APPBP2: variants seen among roughly 807,000 people sequenced by gnomAD.
APPBP2 encodes the protein amyloid beta precursor protein binding protein 2, also known as amyloid protein-binding protein 2.
APPBP2 carries 15 observed loss-of-function variants against 76.0 expected under a neutral mutation model. The ratio of observed to expected loss-of-function variants is 0.20; its 90% CI spans 0.13 to 0.30. The LOEUF (loss-of-function observed/expected upper bound fraction) is 0.30. Ranked by LOEUF, APPBP2 falls within the 10% of genes least tolerant of loss-of-function variation. The probability of loss-of-function intolerance (pLI) is 1.00; values close to 1 mark genes in which losing one functional copy is unlikely to be tolerated. For synonymous variants in APPBP2, 222 were observed against 242.2 expected (o/e 0.92, Z 0.77); for missense variants, 401 against 687.2 (o/e 0.58, Z 4.66).
At chr17:60,448,877 A>C (rs8081113) in intron 12 of APPBP2, among the ~76,000 whole-genome samples, 12,522 of 152,218 alleles carry the variant, frequency 0.082, 1,710 homozygotes, top group African/African-American at 0.28. Flanking sequence ...AATTATATGT[A>C]TCTGGACATA....
chr17:60,454,622 G>A (rs2090419280), intron 10 of APPBP2, 130 bp from the exon 11 acceptor site: 1 of 559,628 alleles, frequency 1.8e-6, no homozygotes, highest in Non-Finnish European at 2.8e-6. Context: ...TTTGGAACTG[G>A]TCAAGATGAA....
chr17:60,481,037 G>A (rs982201901), intron 3 of APPBP2, among the ~76,000 whole-genome samples: 3 of 152,114 alleles, frequency 2.0e-5, no homozygotes, highest in Admixed American at 6.6e-5. Context: ...ATCAGCAATA[G>A]CCATCCAGGT....
At chr17:60,468,790 C>G (rs2090529745) in intron 4 of APPBP2, among the ~76,000 whole-genome samples, 1 of 152,148 alleles carries the variant, frequency 6.6e-6, no homozygotes, top group Non-Finnish European at 1.5e-5. Context: ...TGTGGCACTA[C>G]CATGTAAACA....
chr17:60,483,343 G>C (rs1396356228), intron 3 of APPBP2, among the ~76,000 whole-genome samples: 1 of 152,010 alleles, frequency 6.6e-6, no homozygotes, highest in Non-Finnish European at 1.5e-5. Flanking sequence ...TTGTCAGATA[G>C]GTAGATTGCA....
intron 9 of APPBP2, chr17:60,460,410 C>T (rs575300595): frequency 6.3e-5 from 14 of 222,972 alleles, no homozygotes; most frequent in African/African-American, 3.2e-4. Flanking sequence ...CTCTTGGGCT[C>T]AAGCAATCTT....
At chr17:60,500,806 G>T (rs370745328) in intron 1 of APPBP2, among the ~76,000 whole-genome samples, 3 of 152,048 alleles carry the variant, frequency 2.0e-5, no homozygotes, top group East Asian at 3.9e-4. Flanking sequence ...CAAAACTGGA[G>T]AGTCGGTGTA....
At chr17:60,487,093 G>A (rs550265863) in intron 3 of APPBP2, among the ~76,000 whole-genome samples, 1 of 152,302 alleles carries the variant, frequency 6.6e-6, no homozygotes, top group South Asian at 2.1e-4. Context: ...CCCTTTGTGG[G>A]TAACCTGACC....
At chr17:60,494,865 G>A (rs570881024) in intron 2 of APPBP2, among the ~76,000 whole-genome samples, 11 of 152,160 alleles carry the variant, frequency 7.2e-5, no homozygotes, top group African/African-American at 2.6e-4. Flanking sequence ...TGACAAGGAA[G>A]GATGAAGCTA....
rs1256538688 is a variant in APPBP2 at position 60,483,949 on chromosome 17, GC to G, written c.380-4679del. On this transcript the variant is annotated intron_variant, in intron 3 of 12. Transcript: ENST00000083182. ...ATCCAGTTTCAGCTTTCTACCTACG[GC>G]TAGCCAGTTTTCCCAGCACCATTTA... 5.1e-4 allele frequency among the ~76,000 whole-genome samples: 78 copies of G among 151,906 alleles called. 1 individual carries two copies. Among genetic ancestry groups the G allele is most frequent in the African/African-American group, 1.8e-3 (74 of 41,254 alleles).
intron 1 of APPBP2, among the ~76,000 whole-genome samples, chr17:60,522,715 A>C (rs1356225141): frequency 6.6e-6 from 1 of 152,116 alleles, no homozygotes; most frequent in Non-Finnish European, 1.5e-5. Context: ...GAAGGAGGAA[A>C]GACCAAAAAC....
Position 60,507,709 on chromosome 17 carries a change from C to T in APPBP2, c.139-7222G>A, listed in dbSNP as rs117885556. Among the ~76,000 whole-genome samples, 960 of 152,170 alleles carry T rather than the reference C, an allele frequency of 6.3e-3. 3 individuals are homozygous for T. Among genetic ancestry groups the T allele is most frequent in the Non-Finnish European group, 0.011 (743 of 67,994 alleles). On this transcript the variant is annotated intron_variant, in intron 1 of 12. Transcript: ENST00000083182. ...TTTACTGAAATTATCGAGATTAACC[C>T]GGTTGGTAAATTTGATACTTTGGGA...
At chr17:60,473,863 T>A (rs1039201931) in intron 4 of APPBP2, among the ~76,000 whole-genome samples, 12 of 152,324 alleles carry the variant, frequency 7.9e-5, no homozygotes, top group African/African-American at 2.6e-4. Flanking sequence ...TTTAAATAAA[T>A]CCTTCTTTGG....
intron 2 of APPBP2, among the ~76,000 whole-genome samples, chr17:60,499,870 C>T (rs933251129): frequency 1.5e-4 from 23 of 152,064 alleles, no homozygotes; most frequent in African/African-American, 5.3e-4. Context: ...AAGTCAAACT[C>T]ATCTAAAGTA....
chr17:60,494,421 T>C, intron 3 of APPBP2, 45 bp downstream of exon 3: 1 of 1,581,104 alleles, frequency 6.3e-7, no homozygotes, highest in Non-Finnish European at 8.5e-7. Context: ...GATTTAATTC[T>C]GAGTCCATCA....
At chr17:60,448,900 G>A (rs1381899499) in intron 12 of APPBP2, among the ~76,000 whole-genome samples, 2 of 152,116 alleles carry the variant, frequency 1.3e-5, no homozygotes, top group East Asian at 3.8e-4. Context: ...TTTCTGTATA[G>A]TTCTAATTAC....
At chr17:60,448,440 G>A (rs1424070347) in intron 12 of APPBP2, among the ~76,000 whole-genome samples, 1 of 152,210 alleles carries the variant, frequency 6.6e-6, no homozygotes, top group African/African-American at 2.4e-5. Context: ...TCCAGCTTGG[G>A]TGACAGAGAG....
At position 60,513,920 on chromosome 17, in the gene APPBP2, T is replaced by A. The variant is rs554202405; in HGVS notation, c.138+11874A>T. On this transcript the variant is annotated intron_variant, in intron 1 of 12. Transcript: ENST00000083182. The stretch of plus-strand genomic sequence containing the variant: ...AGCAATTGCGATCCTACCCCTGGAG[T>A]AAACACCATTAAAATTTTGTTGTGT... Among the ~76,000 whole-genome samples the A allele has an allele frequency of 2.0e-5, 3 of 146,914 alleles. No individual in the cohort carries two copies. The East Asian group carries it at 6.0e-4, about 29-fold the overall frequency.
At position 60,512,975 on chromosome 17, in the gene APPBP2, T is replaced by G. The variant is rs1439816289; in HGVS notation, c.139-12488A>C. On this transcript the variant is annotated intron_variant, in intron 1 of 12. Transcript: ENST00000083182. Reference sequence around the variant, plus strand: ...TTCTTTTCCTTTTTTTTTTTTTTTTTGACCCTGGGAGCCTATTCAAAAGGG... The same window carrying G: ...TTCTTTTCCTTTTTTTTTTTTTTTTGGACCCTGGGAGCCTATTCAAAAGGG... Among the ~76,000 whole-genome samples, 3 of 141,004 alleles carry G rather than the reference T, an allele frequency of 2.1e-5. No individual in the cohort carries two copies. The East Asian group carries it at 5.8e-4, about 27-fold the overall frequency. The allele number at this position is 141,004 out of a possible 152,430, so 92.5% of individuals were successfully genotyped here. A position where few individuals can be genotyped will look rare whatever the true frequency, so the allele number is the denominator to read the frequency against.
At chr17:60,488,420 T>C (rs1567931477) in intron 3 of APPBP2, among the ~76,000 whole-genome samples, 1 of 152,190 alleles carries the variant, frequency 6.6e-6, no homozygotes, top group Non-Finnish European at 1.5e-5. Context: ...ACAAAGACCA[T>C]GTATTTCAAG....
Sources: allele counts gnomAD v4.1 joint callset (sites outside exome capture counted in the v4.1 genomes callset), GRCh38; gene constraint gnomAD v4.1.1; transcripts MANE v1.5; gene names NCBI Gene and HGNC (gene_info 2026-07-23, HGNC 2026-07-21).